Variants in MITF observed in about 807,000 individuals in gnomAD.
MITF encodes the protein melanocyte inducing transcription factor.
In MITF, 17 loss-of-function variants were observed where a neutral mutation model predicts 60.5. The observed-to-expected ratio is 0.28, with a 90% CI of 0.19 to 0.42. The LOEUF is 0.42. MITF is among the 10% of genes least tolerant of loss of function. The pLI, the probability that MITF is intolerant of heterozygous loss-of-function variation, is 1.00. For synonymous variants in MITF, 260 were observed against 248.5 expected (o/e 1.05, Z -0.43); for missense variants, 622 against 683.5 (o/e 0.91, Z 1.00).
At chr3:69,867,250 G>T (rs2064133863) in intron 1 of MITF, among the ~76,000 whole-genome samples, 1 of 152,096 alleles carries the variant, frequency 6.6e-6, no homozygotes, top group African/African-American at 2.4e-5. Context: ...TCAGCAGCTT[G>T]TGAAGGTGTG....
At chr3:69,960,582 C>T (rs2066516984) in intron 9 of MITF, among the ~76,000 whole-genome samples, 1 of 152,128 alleles carries the variant, frequency 6.6e-6, no homozygotes, top group Admixed American at 6.5e-5. Flanking sequence ...TTGAACACAA[C>T]CTATCTGTAA....
At position 69,882,070 on chromosome 3, in the gene MITF, G is replaced by T. The variant is rs114698346; in HGVS notation, c.354+2687G>T. 7.1e-3 allele frequency among the ~76,000 whole-genome samples: 1,076 copies of T among 152,172 alleles called. 4 individuals are homozygous for T. Among genetic ancestry groups the T allele is most frequent in the Non-Finnish European group, 0.012 (801 of 67,974 alleles). On this transcript the variant is annotated intron_variant, in intron 2 of 9. Transcript: ENST00000352241. Reference sequence around the variant, plus strand: ...TAAGTTACCAACATTCTGCTATCTGGATGAATGACTGATTTCAAAAAGCTA... The same window carrying T: ...TAAGTTACCAACATTCTGCTATCTGTATGAATGACTGATTTCAAAAAGCTA...
chr3:69,928,934 G>A (rs2065654138), intron 2 of MITF, among the ~76,000 whole-genome samples: 1 of 152,176 alleles, frequency 6.6e-6, no homozygotes, highest in African/African-American at 2.4e-5. Flanking sequence ...CTAGATGAGA[G>A]CTGTAAGAAT....
intron 1 of MITF, among the ~76,000 whole-genome samples, chr3:69,821,579 C>T (rs2107049607): frequency 6.7e-6 from 1 of 150,092 alleles, no homozygotes; most frequent in African/African-American, 2.4e-5. Flanking sequence ...TAATTTTTTC[C>T]TTCAATAGGA....
intron 1 of MITF, among the ~76,000 whole-genome samples, chr3:69,770,438 G>A (rs2062375916): frequency 6.6e-6 from 1 of 152,064 alleles, no homozygotes; most frequent in African/African-American, 2.4e-5. Flanking sequence ...TTTCCAAGTA[G>A]GAAAATAAAC....
chr3:69,787,972 C>G (rs1216896525), intron 1 of MITF, among the ~76,000 whole-genome samples: 1 of 151,952 alleles, frequency 6.6e-6, no homozygotes, highest in African/African-American at 2.4e-5. Flanking sequence ...TCACAGCAAC[C>G]CTGTGAAGGA....
At chr3:69,931,918 G>T (rs924585706) in intron 2 of MITF, among the ~76,000 whole-genome samples, 1 of 152,164 alleles carries the variant, frequency 6.6e-6, no homozygotes, top group Non-Finnish European at 1.5e-5. Flanking sequence ...AGTTGTTTAG[G>T]TTTCCTCTTA....
At chr3:69,901,138 C>T (rs1416989882) in intron 2 of MITF, among the ~76,000 whole-genome samples, 1 of 149,644 alleles carries the variant, frequency 6.7e-6, no homozygotes, top group South Asian at 2.1e-4. Context: ...TCAAGCAGTA[C>T]ACTCCTAGAC....
rs750251387 is a variant in MITF at position 69,965,294 on chromosome 3, A to G, written c.*46A>G. 1.2e-6 allele frequency: 2 copies of G among 1,600,366 alleles called. No individual in the cohort carries two copies. The highest frequency in any genetic ancestry group is 1.7e-6 in the Non-Finnish European group (2 of 1,169,642). The stretch of plus-strand genomic sequence containing the variant: ...TTCGCACAAACTGCTTCCTTTCTTG[A>G]TTCGTAGATTTAATAACTTACCTGA... On this transcript the variant is annotated 3_prime_UTR_variant, in exon 10 of 10. Coordinates refer to ENST00000352241, the MANE Select transcript of MITF (RefSeq NM_001354604.2).
intron 2 of MITF, among the ~76,000 whole-genome samples, chr3:69,933,333 C>A (rs1217446271): frequency 6.6e-6 from 1 of 152,080 alleles, no homozygotes; most frequent in Non-Finnish European, 1.5e-5. Flanking sequence ...CCAGTAAATT[C>A]TGTTGTCAGC....
At chr3:69,964,198 A>G (rs2874270) in intron 9 of MITF, among the ~76,000 whole-genome samples, 52,719 of 151,592 alleles carry the variant, frequency 0.35, 9,648 homozygotes, top group African/African-American at 0.48. Context: ...GGCTGATCTC[A>G]AACTCCTGAC....
At chr3:69,815,476 C>T (rs2063167011) in intron 1 of MITF, among the ~76,000 whole-genome samples, 1 of 152,206 alleles carries the variant, frequency 6.6e-6, no homozygotes, top group South Asian at 2.1e-4. Context: ...GATCCACTTT[C>T]ACTTAATGAT....
At chr3:69,809,837 A>G (rs2063072891) in intron 1 of MITF, among the ~76,000 whole-genome samples, 1 of 152,170 alleles carries the variant, frequency 6.6e-6, no homozygotes, top group Non-Finnish European at 1.5e-5. Flanking sequence ...AGATAATACC[A>G]TGAACATTCT....
chr3:69,792,068 T>C (rs1407691752), intron 1 of MITF, among the ~76,000 whole-genome samples: 1 of 152,210 alleles, frequency 6.6e-6, no homozygotes, highest in Admixed American at 6.5e-5. Flanking sequence ...GAAGTGAAGC[T>C]GTCATCTAGC....
intron 5 of MITF, among the ~76,000 whole-genome samples, chr3:69,943,621 T>C (rs114635463): frequency 0.01 from 1,556 of 152,294 alleles, 91 homozygotes; most frequent in Admixed American, 0.086. Flanking sequence ...TGAGCCCCTA[T>C]AATGTATCAA....
At chr3:69,818,166 T>C (rs552156631) in intron 1 of MITF, among the ~76,000 whole-genome samples, 7 of 152,322 alleles carry the variant, frequency 4.6e-5, no homozygotes, top group African/African-American at 1.7e-4. Context: ...GATCAACTCT[T>C]AAAACCCTTA....
At chr3:69,961,435 G>A (rs1230741963) in intron 9 of MITF, among the ~76,000 whole-genome samples, 1 of 149,462 alleles carries the variant, frequency 6.7e-6, no homozygotes, top group Admixed American at 6.6e-5. Context: ...GGCCGGGTGC[G>A]GTGGTTCACG....
intron 2 of MITF, among the ~76,000 whole-genome samples, chr3:69,913,331 A>G (rs2065263565): frequency 6.6e-6 from 1 of 152,102 alleles, no homozygotes; most frequent in Non-Finnish European, 1.5e-5. Context: ...TTTAATGTAC[A>G]GTGTTAGTAG....
intron 2 of MITF, among the ~76,000 whole-genome samples, chr3:69,935,257 C>G (rs563528902): frequency 6.6e-6 from 1 of 152,280 alleles, no homozygotes; most frequent in East Asian, 1.9e-4. Context: ...AAATATATCC[C>G]ATTCTGCTTA....
Sources: allele counts gnomAD v4.1 joint callset (sites outside exome capture counted in the v4.1 genomes callset), GRCh38; gene constraint gnomAD v4.1.1; transcripts MANE v1.5; gene names NCBI Gene and HGNC (gene_info 2026-07-23, HGNC 2026-07-21).